The following ARID5B variants were observed in gnomAD, a reference collection of about 807,000 sequenced individuals.
ARID5B encodes the protein AT-rich interaction domain 5B, also known as AT-rich interactive domain-containing protein 5B.
In ARID5B, 13 loss-of-function variants were observed where a neutral mutation model predicts 97.2. The ratio of observed to expected loss-of-function variants is 0.13; its 90% CI spans 0.09 to 0.21. ARID5B has a LOEUF of 0.21. ARID5B is among the 10% of genes least tolerant of loss of function. The pLI, the probability that ARID5B is intolerant of heterozygous loss-of-function variation, is 1.00. For synonymous variants in ARID5B, 556 were observed against 570.3 expected (o/e 0.97, Z 0.36); for missense variants, 1,210 against 1,465.3 (o/e 0.83, Z 2.84).
chr10:61,987,824 C>T (rs1361125790), intron 3 of ARID5B, among the ~76,000 whole-genome samples: 1 of 152,168 alleles, frequency 6.6e-6, no homozygotes, highest in Non-Finnish European at 1.5e-5. Context: ...GGATCTGTAG[C>T]ACTGGTAACT....
At chr10:61,996,581 A>G (rs1838999839) in intron 3 of ARID5B, among the ~76,000 whole-genome samples, 1 of 152,194 alleles carries the variant, frequency 6.6e-6, no homozygotes, top group Admixed American at 6.6e-5. Context: ...ATTAACAACT[A>G]GTAATGCCAC....
chr10:61,903,749 T>C (rs1263134272), intron 2 of ARID5B, among the ~76,000 whole-genome samples: 2 of 152,170 alleles, frequency 1.3e-5, no homozygotes, highest in Non-Finnish European at 2.9e-5. Context: ...ATAGTACTTT[T>C]GGCATTGCTA....
At chr10:61,960,940 C>T (rs1165891899) in intron 3 of ARID5B, among the ~76,000 whole-genome samples, 1 of 152,240 alleles carries the variant, frequency 6.6e-6, no homozygotes, top group African/African-American at 2.4e-5. Context: ...TCAGTTTTCT[C>T]ATCTGTAAAA....
intron 2 of ARID5B, among the ~76,000 whole-genome samples, chr10:61,930,688 C>T (rs1447451173): frequency 6.9e-6 from 1 of 145,046 alleles, no homozygotes; most frequent in African/African-American, 2.6e-5. Flanking sequence ...CCACTGCACT[C>T]CAGCCTGGGC....
intron 4 of ARID5B, among the ~76,000 whole-genome samples, chr10:62,022,037 G>A (rs960675503): frequency 6.6e-6 from 1 of 152,160 alleles, no homozygotes; most frequent in Admixed American, 6.5e-5. Context: ...AACCATTTTA[G>A]TAGCTTTAAG....
chr10:61,940,004 T>C (rs1234493116), intron 2 of ARID5B, among the ~76,000 whole-genome samples, 179 bp from the exon 3 acceptor site: 1 of 152,168 alleles, frequency 6.6e-6, no homozygotes, highest in Non-Finnish European at 1.5e-5. Context: ...CAACTAGCAG[T>C]GAAAAACCAT....
intron 9 of ARID5B, among the ~76,000 whole-genome samples, chr10:62,086,529 G>A (rs929957939): frequency 4.0e-5 from 6 of 151,676 alleles, no homozygotes; most frequent in East Asian, 1.9e-4. Flanking sequence ...GTGAAACCCC[G>A]TCTCTACTAA....
At chr10:61,994,502 T>C (rs1193368393) in intron 3 of ARID5B, among the ~76,000 whole-genome samples, 1 of 152,228 alleles carries the variant, frequency 6.6e-6, no homozygotes, top group Admixed American at 6.5e-5. Flanking sequence ...TGAAAGTCAA[T>C]GCTCCATTAA....
Position 61,961,830 on chromosome 10 carries a change from C to T in ARID5B, c.502+21422C>T, listed in dbSNP as rs964359934. On this transcript the variant is annotated intron_variant, in intron 3 of 9. Transcript: ENST00000279873. The stretch of plus-strand genomic sequence containing the variant: ...TGGTGCAATCTCGGCTCACTGCAAC[C>T]TCTGCCTCCCCGGTTCAAGTGATTC... 2.0e-5 allele frequency among the ~76,000 whole-genome samples: 3 copies of T among 152,178 alleles called. No homozygotes were observed. In the South Asian group the frequency reaches 6.2e-4, roughly 32 times the overall value.
At position 62,069,783 on chromosome 10, in the gene ARID5B, C is replaced by T; in HGVS notation, c.1185C>T (p.Arg395=). Reference sequence around the variant, plus strand: ...GCACCAGCGCTGCCACTTGTACCCGCAGACATTATGAAAGGTAAGAAACCA... The same window carrying T: ...GCACCAGCGCTGCCACTTGTACCCGTAGACATTATGAAAGGTAAGAAACCA... ...PGSTSAATCT[R]RHYERLILPY... is the part of the protein sequence containing the mutation. The change falls in exon 8 of 10, where the codon CGC becomes CGT. Residue 395 remains arginine, a synonymous_variant. Transcript: ENST00000279873. The T allele has an allele frequency of 6.2e-7, 1 of 1,614,062 alleles. No homozygotes were observed. The highest frequency in any genetic ancestry group is 8.5e-7 in the Non-Finnish European group (1 of 1,179,942).
intron 3 of ARID5B, among the ~76,000 whole-genome samples, chr10:61,961,752 T>A (rs1359711021): frequency 6.6e-6 from 1 of 152,096 alleles, no homozygotes; most frequent in East Asian, 1.9e-4. Flanking sequence ...CTTTCTTTCT[T>A]TCTTTTTTTT....
chr10:62,090,205 G>A (rs1408542663), intron 9 of ARID5B, among the ~76,000 whole-genome samples: 1 of 152,176 alleles, frequency 6.6e-6, no homozygotes, highest in East Asian at 1.9e-4. Flanking sequence ...CTGCAACCTA[G>A]AAGGACTTAG....
At chr10:62,019,204 T>C (rs966975169) in intron 4 of ARID5B, among the ~76,000 whole-genome samples, 5 of 152,206 alleles carry the variant, frequency 3.3e-5, no homozygotes, top group Non-Finnish European at 5.9e-5. Flanking sequence ...TATGTTAGAA[T>C]ATGGTCACAT....
At chr10:61,963,122 T>A (rs1463925949) in intron 3 of ARID5B, among the ~76,000 whole-genome samples, 1 of 152,232 alleles carries the variant, frequency 6.6e-6, no homozygotes, top group East Asian at 1.9e-4. Context: ...GTCCTCAATT[T>A]GTATGACATG....
At chr10:61,952,454 A>G (rs937919388) in intron 3 of ARID5B, among the ~76,000 whole-genome samples, 5 of 152,272 alleles carry the variant, frequency 3.3e-5, no homozygotes, top group Admixed American at 2.0e-4. Flanking sequence ...TCATGTGTTT[A>G]TCTTATCTTC....
chr10:61,905,400 G>A (rs1190208428), intron 2 of ARID5B, among the ~76,000 whole-genome samples: 4 of 150,626 alleles, frequency 2.7e-5, no homozygotes, highest in African/African-American at 7.3e-5. Flanking sequence ...CATTGTGCAA[G>A]ATTAGAAATA....
intron 2 of ARID5B, among the ~76,000 whole-genome samples, chr10:61,937,293 G>A (rs1589226213): frequency 1.3e-5 from 2 of 151,974 alleles, no homozygotes; most frequent in African/African-American, 4.8e-5. Flanking sequence ...TGAGGTCTGG[G>A]TATTTTTGCC....
intron 3 of ARID5B, among the ~76,000 whole-genome samples, chr10:61,992,588 T>C (rs1589249702): frequency 6.6e-6 from 1 of 152,220 alleles, no homozygotes; most frequent in East Asian, 1.9e-4. Context: ...TGTACTGATA[T>C]ATTTTTCCCA....
chr10:61,970,914 G>T (rs1398883626), intron 3 of ARID5B, among the ~76,000 whole-genome samples: 1 of 151,556 alleles, frequency 6.6e-6, no homozygotes, highest in Non-Finnish European at 1.5e-5. Context: ...TGTTTCCTTT[G>T]GTTTATTTTT....
Sources: gnomAD v4.1 joint callset for allele counts (sites outside exome capture counted in the v4.1 genomes callset) on GRCh38, gnomAD v4.1.1 for gene constraint, MANE v1.5 for transcripts, NCBI Gene and HGNC (gene_info 2026-07-23, HGNC 2026-07-21) for gene names.